The following SPATA33 variants were observed in gnomAD, a reference collection of about 807,000 sequenced individuals.
SPATA33 encodes the protein spermatogenesis associated 33.
SPATA33 carries 10 observed loss-of-function variants against 8.9 expected under a neutral mutation model. The ratio of observed to expected loss-of-function variants is 1.12; its 90% CI spans 0.69 to 1.90. The LOEUF is 1.90. Ranked by LOEUF, SPATA33 falls within the 40% of genes most tolerant of loss-of-function variation. The probability of loss-of-function intolerance (pLI) is 0.00; values close to 1 mark genes in which losing one functional copy is unlikely to be tolerated. For missense variants in SPATA33, 241 were observed against 178.3 expected, an observed-to-expected ratio of 1.35 and a Z score of -2.00; for synonymous variants, 96 against 72.8, an observed-to-expected ratio of 1.32 and a Z score of -1.63.
intron 2 of SPATA33, among the ~76,000 whole-genome samples, chr16:89,666,217 T>C (rs2060023688): frequency 6.6e-6 from 1 of 152,062 alleles, no homozygotes; most frequent in South Asian, 2.1e-4. Context: ...GAATATATGG[T>C]CCCATAGGTG....
chr16:89,669,439 A>T lies in SPATA33; in HGVS notation c.365A>T (p.Tyr122Phe). 1.2e-6 allele frequency: 2 copies of T among 1,613,908 alleles called. No individual in the cohort carries two copies. The highest frequency in any genetic ancestry group is 1.3e-5 in the African/African-American group (1 of 75,030). ...CGGGAGCCGGAGGACTGGGGCCCCT[A>T]CCGGCGGCACAGGAACCCCAGTACA... ...TIREPEDWGP[Y>F]RRHRNPSTAD... is the part of the protein sequence containing the mutation. The change falls in exon 3 of 3, where the codon TAC becomes TTC. Residue 122 changes from tyrosine (Y) to phenylalanine (F), a missense_variant. Coordinates refer to ENST00000579310, the MANE Select transcript of SPATA33 (RefSeq NM_001271907.2).
At chr16:89,665,968 T>A (rs1481238223) in intron 2 of SPATA33, among the ~76,000 whole-genome samples, 1 of 152,178 alleles carries the variant, frequency 6.6e-6, no homozygotes, top group East Asian at 1.9e-4. Context: ...TAGTGCCAGC[T>A]ACTTGGGGAG....
At chr16:89,658,586 C>G in intron 2 of SPATA33, 165 bp downstream of exon 2, 1 of 865,278 alleles carries the variant, frequency 1.2e-6, no homozygotes, top group Non-Finnish European at 1.7e-6. Context: ...AGGTAAATAT[C>G]CAGAAATCTT....
intron 2 of SPATA33, chr16:89,661,253 C>T: frequency 5.1e-6 from 5 of 977,088 alleles, no homozygotes; most frequent in Non-Finnish European, 6.1e-6. Context: ...TTTTGAATTC[C>T]CACATGTGGG....
chr16:89,666,911 C>G (rs906430809), intron 2 of SPATA33, among the ~76,000 whole-genome samples: 1 of 152,206 alleles, frequency 6.6e-6, no homozygotes, highest in Non-Finnish European at 1.5e-5. Flanking sequence ...CTACTGCTAT[C>G]TAAAAGGCAG....
chr16:89,666,856 C>T (rs754202941), intron 2 of SPATA33, among the ~76,000 whole-genome samples: 2 of 152,158 alleles, frequency 1.3e-5, no homozygotes, highest in Non-Finnish European at 2.9e-5. Context: ...CAGCTTACGC[C>T]GTTATTTCAG....
chr16:89,667,849 G>T (rs1019628186), intron 2 of SPATA33: 1 of 152,232 alleles, frequency 6.6e-6, no homozygotes, highest in Non-Finnish European at 1.5e-5. Context: ...TTAGCCTTGG[G>T]CAGTCGAGTT....
intron 2 of SPATA33, chr16:89,661,087 T>C (rs1456101672): frequency 1.0e-6 from 1 of 985,512 alleles, no homozygotes; most frequent in Non-Finnish European, 1.2e-6. Context: ...GAAAAGAAAA[T>C]CGTTTTAAAC....
In SPATA33 at chr16:89,658,266, G is replaced by A. The variant is rs767065039; in HGVS notation, c.56G>A (p.Gly19Glu). ...ATTTCAGGTGAGGAGCAAAAGAAGGGATCCACCTATTCAGTTCCAAAATCT... is the reference window on the plus strand; with the variant it reads ...ATTTCAGGTGAGGAGCAAAAGAAGGAATCCACCTATTCAGTTCCAAAATCT... ...KPRKGEEQKK[G>E]STYSVPKSKE... Residue 19 changes from glycine to glutamate, a missense_variant, in exon 2 of 3, where the codon GGA becomes GAA. Gly to Glu is a moderately conservative substitution (Grantham distance 98). Coordinates refer to ENST00000579310, the MANE Select transcript of SPATA33 (RefSeq NM_001271907.2). 1.3e-5 allele frequency: 21 copies of A among 1,614,072 alleles called. 2 individuals carry two copies. In the South Asian group the frequency reaches 2.3e-4, roughly 18 times the overall value.
At chr16:89,662,036 C>T (rs1029190034) in intron 2 of SPATA33, among the ~76,000 whole-genome samples, 16 of 152,096 alleles carry the variant, frequency 1.1e-4, no homozygotes, top group Admixed American at 6.6e-4. Flanking sequence ...CTCATGCTGT[C>T]ATCCCAGCAC....
At chr16:89,665,802 C>A (rs1184152358) in intron 2 of SPATA33, among the ~76,000 whole-genome samples, 1 of 151,962 alleles carries the variant, frequency 6.6e-6, no homozygotes, top group East Asian at 1.9e-4. Context: ...AAAATGAGGC[C>A]AAGTGTAGTG....
chr16:89,667,447 T>C (rs1230324497), intron 2 of SPATA33, among the ~76,000 whole-genome samples: 2 of 152,220 alleles, frequency 1.3e-5, no homozygotes, highest in African/African-American at 4.8e-5. Flanking sequence ...TAACTATTCT[T>C]ATTTTATATA....
Position 89,670,066 on chromosome 16 carries a change from A to G in SPATA33, c.*569A>G, listed in dbSNP as rs1311478120. 6.8e-6 allele frequency: 1 copy of G among 147,826 alleles called. No individual in the cohort carries two copies. The highest frequency in any genetic ancestry group is 2.7e-5 in the African/African-American group (1 of 37,270). 9.2% of individuals were successfully genotyped at this position (147,826 alleles called of 1,614,324 possible). ...ACCAGGGCCACCCCACCCTGTGAGAAGCCGTGGCCCCCTTCTCCAGTGCTT... is the reference window on the plus strand; with the variant it reads ...ACCAGGGCCACCCCACCCTGTGAGAGGCCGTGGCCCCCTTCTCCAGTGCTT... On this transcript the variant is annotated 3_prime_UTR_variant, in exon 3 of 3. Coordinates refer to ENST00000579310, the MANE Select transcript of SPATA33 (RefSeq NM_001271907.2).
At chr16:89,662,918 C>T (rs751688554) in intron 2 of SPATA33, among the ~76,000 whole-genome samples, 5 of 151,980 alleles carry the variant, frequency 3.3e-5, no homozygotes, top group Admixed American at 6.6e-5. Flanking sequence ...CTCAGCCTCC[C>T]GAGTAGCTGA....
rs1267495167 is a variant in SPATA33, at chr16:89,669,704, G to A, written c.*207G>A. The A allele has an allele frequency of 1.8e-6, 1 of 546,888 alleles. No individual in the cohort carries two copies. The highest frequency in any genetic ancestry group is 2.1e-5 in the South Asian group (1 of 48,134). 33.9% of individuals were successfully genotyped at this position (546,888 alleles called of 1,614,324 possible). A position where few individuals can be genotyped will look rare whatever the true frequency, so the allele number is the denominator to read the frequency against. ...CCCGCCCCACCTTGTGAGAAGCCGTGGCCCCCTTCTCCAGTGCTCTCAGGG... is the reference window on the plus strand; with the variant it reads ...CCCGCCCCACCTTGTGAGAAGCCGTAGCCCCCTTCTCCAGTGCTCTCAGGG... On this transcript the variant is annotated 3_prime_UTR_variant, in exon 3 of 3. Coordinates refer to ENST00000579310, the MANE Select transcript of SPATA33 (RefSeq NM_001271907.2).
At chr16:89,661,259 G>A (rs987793816) in intron 2 of SPATA33, 23 of 971,156 alleles carry the variant, frequency 2.4e-5, no homozygotes, top group Non-Finnish European at 2.7e-5. Context: ...ATTCCCACAT[G>A]TGGGAGGAAC....
At position 89,660,298 on chromosome 16, in the gene SPATA33, G is replaced by A. The variant is rs2059949291; in HGVS notation, c.211+1877G>A. The A allele has an allele frequency of 1.7e-5, 7 of 413,750 alleles. No homozygotes were observed. The East Asian group carries it at 2.2e-4, about 13-fold the overall frequency. 25.6% of individuals were successfully genotyped at this position (413,750 alleles called of 1,614,324 possible). A position where few individuals can be genotyped will look rare whatever the true frequency, so the allele number is the denominator to read the frequency against. ...GGAAGGCTTCGCCTGCCCAGCCTCT[G>A]CAGGACTCATTCAATGGTGCAAATT... is the stretch of plus-strand genomic sequence containing the variant. On this transcript the variant is annotated intron_variant, in intron 2 of 2. Transcript: ENST00000579310.
chr16:89,658,090 C>A, intron 1 of SPATA33, 142 bp downstream of exon 1: 1 of 1,480,322 alleles, frequency 6.8e-7, no homozygotes. Context: ...GAGTCCGCCA[C>A]GGACGGCGCG....
chr16:89,667,219 G>A (rs1261231859), intron 2 of SPATA33, among the ~76,000 whole-genome samples: 1 of 152,204 alleles, frequency 6.6e-6, no homozygotes, highest in African/African-American at 2.4e-5. Flanking sequence ...AGACCAAGGA[G>A]CCCTCTGGTG....
Sources: allele counts gnomAD v4.1 joint callset (sites outside exome capture counted in the v4.1 genomes callset), GRCh38; gene constraint gnomAD v4.1.1; transcripts MANE v1.5; gene names NCBI Gene and HGNC (gene_info 2026-07-23, HGNC 2026-07-21).